The following KCNH8 variants were observed in gnomAD, a reference collection of about 807,000 sequenced individuals.
KCNH8 encodes voltage-gated delayed rectifier potassium channel KCNH8.
Under a neutral mutation model 103.6 loss-of-function variants are expected in KCNH8, and 70 were observed. That is an observed-to-expected ratio of 0.68 (90% CI 0.56 to 0.82). The LOEUF (loss-of-function observed/expected upper bound fraction) is 0.82, where lower values mean the gene tolerates loss of function less well. KCNH8 is among the 40% of genes least tolerant of loss of function. KCNH8 has a pLI of 0.00. For synonymous variants in KCNH8, 498 were observed against 489.4 expected, an observed-to-expected ratio of 1.02 and a Z score of -0.23; for missense variants, 1,217 against 1,329.9, an observed-to-expected ratio of 0.92 and a Z score of 1.32.
At chr3:19,293,787 G>C (rs1180739195) in intron 3 of KCNH8, among the ~76,000 whole-genome samples, 2 of 152,158 alleles carry the variant, frequency 1.3e-5, no homozygotes, top group Non-Finnish European at 2.9e-5. Flanking sequence ...TTTTGTTGAG[G>C]ATCTTATCTC....
At chr3:19,238,980 A>G (rs1203353810) in intron 1 of KCNH8, among the ~76,000 whole-genome samples, 2 of 152,120 alleles carry the variant, frequency 1.3e-5, no homozygotes, top group South Asian at 2.1e-4. Context: ...AATTATTAGA[A>G]TACAGGACTA....
chr3:19,356,910 G>A (rs926086725), intron 5 of KCNH8, among the ~76,000 whole-genome samples: 4 of 151,612 alleles, frequency 2.6e-5, no homozygotes, highest in Admixed American at 2.0e-4. Flanking sequence ...CCACGAATAT[G>A]GAAATTAATA....
rs192430716 is a variant in KCNH8, at chr3:19,422,470, A to G, written c.1178-15694A>G. Among the ~76,000 whole-genome samples the G allele has an allele frequency of 7.5e-3, 1,141 of 152,250 alleles. 4 individuals carry two copies. The highest frequency in any genetic ancestry group is 0.016 in the Admixed American group (237 of 15,286). On this transcript the variant is annotated intron_variant, in intron 7 of 15. Coordinates refer to ENST00000328405, the MANE Select transcript of KCNH8 (RefSeq NM_144633.3). ...ATGTTTTACAAAATTATTTTCTTAA[A>G]TGCCCTCAGCAAACAAGAAGGGATT...
intron 1 of KCNH8, among the ~76,000 whole-genome samples, chr3:19,168,304 G>A (rs1485281224): frequency 6.6e-6 from 1 of 152,052 alleles, no homozygotes; most frequent in East Asian, 1.9e-4. Context: ...TGGGATTACA[G>A]GTGTGAGCCA....
intron 15 of KCNH8, among the ~76,000 whole-genome samples, chr3:19,531,590 G>T (rs1045091676): frequency 2.6e-5 from 4 of 152,160 alleles, no homozygotes; most frequent in East Asian, 3.9e-4. Flanking sequence ...TTCAAGGCAG[G>T]TGTTACCAGT....
At chr3:19,224,559 C>CTTTT (rs34526650) in intron 1 of KCNH8, among the ~76,000 whole-genome samples, 6 of 129,488 alleles carry the variant, frequency 4.6e-5, no homozygotes, top group African/African-American at 1.7e-4. Context: ...TTGTTTTGAA[C>CTTTT]TTTTTTTTTT....
intron 1 of KCNH8, among the ~76,000 whole-genome samples, chr3:19,217,822 A>G (rs377399148): frequency 3.3e-5 from 5 of 152,282 alleles, no homozygotes; most frequent in South Asian, 4.1e-4. Flanking sequence ...GTGTGTCTGT[A>G]TGTCTAGGCT....
chr3:19,157,571 A>C (rs2063192947), intron 1 of KCNH8, among the ~76,000 whole-genome samples: 1 of 152,072 alleles, frequency 6.6e-6, no homozygotes, highest in African/African-American at 2.4e-5. Context: ...AAAAGTTATA[A>C]AATTATTTGG....
intron 5 of KCNH8, among the ~76,000 whole-genome samples, chr3:19,363,589 T>A (rs1181417657): frequency 1.3e-5 from 2 of 152,162 alleles, no homozygotes; most frequent in African/African-American, 4.8e-5. Flanking sequence ...AATCTCCTCT[T>A]TATTGTGCAT....
intron 1 of KCNH8, among the ~76,000 whole-genome samples, chr3:19,200,153 CAAG>C (rs2063642510): frequency 6.6e-6 from 1 of 150,806 alleles, no homozygotes; most frequent in East Asian, 1.9e-4. Context: ...AAAAATAAAA[CAAG>C]AGGAAAAAAT....
intron 11 of KCNH8, among the ~76,000 whole-genome samples, chr3:19,496,188 C>A (rs540110044): frequency 6.6e-6 from 1 of 152,070 alleles, no homozygotes; most frequent in Non-Finnish European, 1.5e-5. Context: ...CCTTTTATTT[C>A]TTTCTCTTGC....
chr3:19,178,225 T>A (rs1411125230), intron 1 of KCNH8, among the ~76,000 whole-genome samples: 1 of 152,128 alleles, frequency 6.6e-6, no homozygotes. Flanking sequence ...CTGGAGATTT[T>A]TTTATTGCTC....
chr3:19,450,293 A>C lies in KCNH8; in HGVS notation c.1563A>C (p.Ile521=). Residue 521 remains isoleucine (I), a synonymous_variant, in exon 9 of 16, where the codon ATA becomes ATC. Transcript: ENST00000328405. ...CAACCTGGTCAGTCAACAATGGAAT[A>C]GATTCAAATGAGGTAATGTTCATTT... is the stretch of plus-strand genomic sequence containing the variant. ...FQTTWSVNNG[I]DSNELLKDFP... is the part of the protein sequence containing the mutation. 1 of 1,612,192 alleles carries C rather than the reference A, an allele frequency of 6.2e-7. No homozygotes were observed. Among genetic ancestry groups the C allele is most frequent in the Non-Finnish European group, 8.5e-7 (1 of 1,178,310 alleles).
Position 19,265,281 on chromosome 3 carries a change from A to G in KCNH8, c.310+11394A>G, listed in dbSNP as rs139804682. On this transcript the variant is annotated intron_variant, in intron 2 of 15. Transcript: ENST00000328405. ...ATGAGATAACCACTTTTCAGCACACATTATCAGGAACAGCCACATAATGTG... is the reference window on the plus strand; with the variant it reads ...ATGAGATAACCACTTTTCAGCACACGTTATCAGGAACAGCCACATAATGTG... Among the ~76,000 whole-genome samples the G allele has an allele frequency of 1.1e-3, 172 of 152,214 alleles. No individual in the cohort carries two copies. In the East Asian group the frequency reaches 0.028, roughly 25 times the overall value.
intron 7 of KCNH8, among the ~76,000 whole-genome samples, chr3:19,427,856 C>G (rs1261899852): frequency 1.3e-5 from 2 of 152,076 alleles, no homozygotes; most frequent in African/African-American, 2.4e-5. Context: ...AGTAAGTAGA[C>G]AGTAGACAAC....
At chr3:19,475,355 T>TTCAC (rs2067951373) in intron 11 of KCNH8, among the ~76,000 whole-genome samples, 1 of 152,200 alleles carries the variant, frequency 6.6e-6, no homozygotes, top group Non-Finnish European at 1.5e-5. Context: ...ATTTGCCTTG[T>TTCAC]TCACTGTTCA....
chr3:19,158,582 A>G (rs757121529), intron 1 of KCNH8, among the ~76,000 whole-genome samples: 64 of 151,846 alleles, frequency 4.2e-4, no homozygotes, highest in Admixed American at 1.3e-4. Context: ...TTTATTGTTT[A>G]CACCTTTTGA....
At chr3:19,150,789 CT>C (rs2063121204) in intron 1 of KCNH8, among the ~76,000 whole-genome samples, 1 of 152,118 alleles carries the variant, frequency 6.6e-6, no homozygotes, top group Non-Finnish European at 1.5e-5. Context: ...ATCAAAAAGT[CT>C]TTTGGAGACC....
At chr3:19,509,671 T>C (rs1274061121) in intron 11 of KCNH8, among the ~76,000 whole-genome samples, 1 of 152,248 alleles carries the variant, frequency 6.6e-6, no homozygotes, top group African/African-American at 2.4e-5. Flanking sequence ...TGTCTTACAA[T>C]TGATGGTATA....
Sources: allele counts gnomAD v4.1 joint callset (sites outside exome capture counted in the v4.1 genomes callset), GRCh38; gene constraint gnomAD v4.1.1; transcripts MANE v1.5; gene names NCBI Gene and HGNC (gene_info 2026-07-23, HGNC 2026-07-21).